The following DLG2 variants were observed in gnomAD, a reference collection of about 807,000 sequenced individuals.
The protein encoded by DLG2 is discs large MAGUK scaffold protein 2, also known as disks large homolog 2.
Under a neutral mutation model 132.5 loss-of-function variants are expected in DLG2, and 45 were observed. That is an observed-to-expected ratio of 0.34 (90% CI 0.27 to 0.44). The LOEUF (loss-of-function observed/expected upper bound fraction) is 0.44. Among genes scored for constraint, DLG2 ranks in the 20% least tolerant of loss-of-function variants. The probability of loss-of-function intolerance (pLI) is 1.00; values close to 1 mark genes in which losing one functional copy is unlikely to be tolerated. For synonymous variants in DLG2, 424 were observed against 419.6 expected (o/e 1.01, Z -0.13); for missense variants, 1,045 against 1,196.9 (o/e 0.87, Z 1.87).
At chr11:85,250,371 TG>T (rs1223384341) in intron 4 of DLG2, among the ~76,000 whole-genome samples, 5 of 152,212 alleles carry the variant, frequency 3.3e-5, no homozygotes, top group Non-Finnish European at 7.3e-5. Context: ...ACAACATATA[TG>T]CTTATTCTTT....
At chr11:85,425,558 T>C (rs2090649872) in intron 3 of DLG2, among the ~76,000 whole-genome samples, 1 of 152,162 alleles carries the variant, frequency 6.6e-6, no homozygotes, top group South Asian at 2.1e-4. Context: ...TGTCAATTCA[T>C]TGTAAGAATC....
intron 8 of DLG2, among the ~76,000 whole-genome samples, chr11:84,180,966 T>A (rs879667998): frequency 4.0e-4 from 61 of 151,774 alleles, no homozygotes; most frequent in Non-Finnish European, 2.9e-4. Context: ...AACATTGATC[T>A]ACATAAAGAA....
chr11:84,239,238 G>T (rs1460506375), intron 8 of DLG2, among the ~76,000 whole-genome samples: 3 of 152,002 alleles, frequency 2.0e-5, no homozygotes, highest in Non-Finnish European at 4.4e-5. Context: ...TGCAGTGTAG[G>T]GGTGTGATCT....
At chr11:84,175,562 C>T (rs189760024) in intron 8 of DLG2, among the ~76,000 whole-genome samples, 28 of 152,252 alleles carry the variant, frequency 1.8e-4, no homozygotes, top group African/African-American at 6.5e-4. Flanking sequence ...CATCCCTTTT[C>T]ATCTAAATAT....
chr11:83,810,832 A>G (rs1054235311), intron 17 of DLG2, among the ~76,000 whole-genome samples: 1 of 152,066 alleles, frequency 6.6e-6, no homozygotes, highest in Non-Finnish European at 1.5e-5. Flanking sequence ...CATGGATTCA[A>G]AGATTATTTA....
intron 11 of DLG2, among the ~76,000 whole-genome samples, chr11:83,980,984 G>GA (rs2092722701): frequency 6.6e-6 from 1 of 152,130 alleles, no homozygotes; most frequent in South Asian, 2.1e-4. Context: ...GGTGAGCCAG[G>GA]AAAAAGACAA....
chr11:84,112,656 T>C (rs1361002680), intron 9 of DLG2, among the ~76,000 whole-genome samples: 1 of 152,144 alleles, frequency 6.6e-6, no homozygotes, highest in Non-Finnish European at 1.5e-5. Context: ...TTCTTTAAAA[T>C]AACTTCCCTT....
intron 8 of DLG2, among the ~76,000 whole-genome samples, chr11:84,222,992 C>A (rs1050785875): frequency 3.9e-5 from 6 of 152,206 alleles, no homozygotes; most frequent in African/African-American, 1.4e-4. Context: ...TATAGCTCGT[C>A]CTTTGGTTGT....
intron 6 of DLG2, among the ~76,000 whole-genome samples, chr11:85,111,127 T>C (rs554582434): frequency 4.6e-5 from 7 of 152,242 alleles, no homozygotes; most frequent in African/African-American, 1.7e-4. Context: ...TCCCTTTGCA[T>C]TGAAATCTCC....
intron 16 of DLG2, among the ~76,000 whole-genome samples, chr11:83,835,844 C>T (rs564525122): frequency 6.6e-6 from 1 of 152,212 alleles, no homozygotes; most frequent in South Asian, 2.1e-4. Flanking sequence ...AATTCAGTTT[C>T]TTGTGGTTGT....
intron 18 of DLG2, among the ~76,000 whole-genome samples, chr11:83,649,171 A>G (rs1456415316): frequency 6.6e-6 from 1 of 152,150 alleles, no homozygotes; most frequent in Non-Finnish European, 1.5e-5. Context: ...GAACCACTGT[A>G]CAAATTTTAA....
rs185160259 is a variant in DLG2 at position 85,012,265 on chromosome 11, G to A, written c.357+99396C>T. Among the ~76,000 whole-genome samples the A allele has an allele frequency of 4.0e-5, 3 of 74,422 alleles. 1 individual carries two copies. The highest frequency in any genetic ancestry group is 4.7e-5 in the Non-Finnish European group (2 of 42,774). 48.8% of individuals were successfully genotyped at this position (74,422 alleles called of 152,430 possible). ...GATATGGCCGGGCGCAGTGGCTCACGCCTGTAATCCCAGCACTTTGGGAAG... is the reference window on the plus strand; with the variant it reads ...GATATGGCCGGGCGCAGTGGCTCACACCTGTAATCCCAGCACTTTGGGAAG... On this transcript the variant is annotated intron_variant, in intron 6 of 27. Coordinates refer to ENST00000376104, the MANE Select transcript of DLG2 (RefSeq NM_001142699.3).
intron 6 of DLG2, among the ~76,000 whole-genome samples, chr11:85,023,697 C>T (rs931984141): frequency 6.6e-6 from 1 of 151,692 alleles, no homozygotes; most frequent in Non-Finnish European, 1.5e-5. Context: ...TACTATATCT[C>T]GATAACTATT....
chr11:83,512,807 T>A (rs1437189522), intron 21 of DLG2, among the ~76,000 whole-genome samples: 1 of 152,110 alleles, frequency 6.6e-6, no homozygotes, highest in Non-Finnish European at 1.5e-5. Flanking sequence ...CTTGCGATAG[T>A]TTGCTGAGAA....
intron 6 of DLG2, among the ~76,000 whole-genome samples, chr11:84,727,903 T>C (rs1379721741): frequency 1.3e-5 from 2 of 152,218 alleles, no homozygotes; most frequent in South Asian, 2.1e-4. Flanking sequence ...CTGTCTGTTA[T>C]TGGTGTATAG....
chr11:83,771,926 T>A (rs7116090), intron 18 of DLG2, among the ~76,000 whole-genome samples: 27,495 of 152,118 alleles, frequency 0.18, 2,971 homozygotes, highest in African/African-American at 0.3. Context: ...TCCAAGGGAA[T>A]GGGGTGGTTT....
chr11:84,534,581 A>G lies in DLG2; in HGVS notation c.508T>C (p.Ser170Pro). ...VHGYVLQSHISPLKASPAPII... is the reference protein window; with the variant it reads ...VHGYVLQSHIPPLKASPAPII... ...GCAATATAACTGACCTTCAGAGGAGAAATATGAGACTGCAAGACATATCCA... is the reference window on the plus strand; with the variant it reads ...GCAATATAACTGACCTTCAGAGGAGGAATATGAGACTGCAAGACATATCCA... The change falls in exon 7 of 28, where the codon TCT becomes CCT. Residue 170 changes from serine to proline, a missense_variant. Transcript: ENST00000376104. 6.2e-7 allele frequency: 1 copy of G among 1,613,910 alleles called. No homozygotes were observed. Among genetic ancestry groups the G allele is most frequent in the Non-Finnish European group, 8.5e-7 (1 of 1,179,874 alleles).
In DLG2 at chr11:84,755,921, TA is replaced by T. The variant is rs547169016; in HGVS notation, c.358-221191del. Reference sequence around the variant, plus strand: ...TTCCCTTCAAAAGTATAATTTGGAATAAAAAAATTAATTTTAACTAGATATG... The same window carrying T: ...TTCCCTTCAAAAGTATAATTTGGAATAAAAAATTAATTTTAACTAGATATG... On this transcript the variant is annotated intron_variant, in intron 6 of 27. Coordinates refer to ENST00000376104, the MANE Select transcript of DLG2 (RefSeq NM_001142699.3). Among the ~76,000 whole-genome samples, 16 of 152,214 alleles carry T rather than the reference TA, an allele frequency of 1.1e-4. No homozygotes were observed. In the South Asian group the frequency reaches 2.5e-3, roughly 24 times the overall value.
chr11:83,527,509 G>A (rs987818247), intron 21 of DLG2, among the ~76,000 whole-genome samples: 7 of 152,102 alleles, frequency 4.6e-5, no homozygotes, highest in Non-Finnish European at 1.0e-4. Context: ...CCAAGAGTTT[G>A]AGACCAGCCT....
Sources: allele counts gnomAD v4.1 joint callset (sites outside exome capture counted in the v4.1 genomes callset), GRCh38; gene constraint gnomAD v4.1.1; transcripts MANE v1.5; gene names NCBI Gene and HGNC (gene_info 2026-07-23, HGNC 2026-07-21).